SGCZ: variants seen among roughly 807,000 people sequenced by gnomAD.
SGCZ encodes zeta-sarcoglycan.
SGCZ carries 40 observed loss-of-function variants against 41.3 expected under a neutral mutation model. That is an observed-to-expected ratio of 0.97 (90% CI 0.75 to 1.26). The LOEUF (loss-of-function observed/expected upper bound fraction) is 1.26, where lower values mean the gene tolerates loss of function less well. Among genes scored for constraint, SGCZ ranks in the 50% most tolerant of loss-of-function variants. SGCZ has a pLI of 0.00. For missense variants in SGCZ, 552 were observed against 369.8 expected (o/e 1.49, Z -4.04); for synonymous variants, 206 against 137.5 (o/e 1.50, Z -3.49).
intron 3 of SGCZ, among the ~76,000 whole-genome samples, chr8:14,298,416 G>T (rs964616120): frequency 2.0e-5 from 3 of 151,782 alleles, no homozygotes; most frequent in African/African-American, 4.8e-5. Context: ...TTCATTTGTA[G>T]ACAAGATAAT....
chr8:15,050,555 G>A (rs116978275), intron 1 of SGCZ, among the ~76,000 whole-genome samples: 5,917 of 152,242 alleles, frequency 0.039, 147 homozygotes, highest in Non-Finnish European at 0.056. Flanking sequence ...ATGAGTATGC[G>A]CAGTTGAAGC....
At chr8:14,707,254 A>T (rs369268655) in intron 1 of SGCZ, among the ~76,000 whole-genome samples, 39 of 140,428 alleles carry the variant, frequency 2.8e-4, no homozygotes, top group African/African-American at 9.5e-4. Context: ...TCATTGTTCA[A>T]TTACCACCTA....
At chr8:14,736,073 C>G (rs544895634) in intron 1 of SGCZ, among the ~76,000 whole-genome samples, 1 of 152,132 alleles carries the variant, frequency 6.6e-6, no homozygotes, top group East Asian at 1.9e-4. Context: ...AAGCCCTCAT[C>G]TAATGTCTAC....
Position 15,237,579 on chromosome 8 carries a change from A to G in SGCZ, c.39+6T>C. ...GGCCGCGAAGCCCGCCCGGACCCGC[A>G]CGTACCTTGAGCTCCTCAATGTCCA... On this transcript the variant is annotated splice_donor_region_variant and intron_variant, in intron 1 of 7. Coordinates refer to ENST00000382080, the MANE Select transcript of SGCZ (RefSeq NM_139167.4). 6.3e-7 allele frequency: 1 copy of G among 1,588,522 alleles called. No individual in the cohort carries two copies. The highest frequency in any genetic ancestry group is 8.6e-7 in the Non-Finnish European group (1 of 1,165,594).
At chr8:15,146,445 C>A (rs1421158381) in intron 1 of SGCZ, among the ~76,000 whole-genome samples, 2 of 152,144 alleles carry the variant, frequency 1.3e-5, no homozygotes, top group Admixed American at 1.3e-4. Context: ...ATGATCATGG[C>A]ATACTACAGC....
chr8:15,206,291 T>C (rs1801060373), intron 1 of SGCZ, among the ~76,000 whole-genome samples: 1 of 152,084 alleles, frequency 6.6e-6, no homozygotes, highest in Admixed American at 6.5e-5. Flanking sequence ...TATTACAGGC[T>C]GAGTTGGTTG....
At chr8:14,556,047 C>A (rs992139501) in intron 1 of SGCZ, among the ~76,000 whole-genome samples, 3 of 151,810 alleles carry the variant, frequency 2.0e-5, no homozygotes, top group Non-Finnish European at 1.5e-5. Flanking sequence ...AGAATTAATT[C>A]TTTCAATAAG....
intron 1 of SGCZ, among the ~76,000 whole-genome samples, chr8:14,809,698 A>G (rs1162586603): frequency 1.3e-5 from 2 of 152,148 alleles, no homozygotes; most frequent in Non-Finnish European, 2.9e-5. Context: ...TAAATCTGAA[A>G]ATGGAAATGT....
chr8:15,114,538 T>G (rs1380671476), intron 1 of SGCZ, among the ~76,000 whole-genome samples: 1 of 152,200 alleles, frequency 6.6e-6, no homozygotes, highest in African/African-American at 2.4e-5. Context: ...ACTATTTGAT[T>G]AACAAAAATT....
chr8:14,250,557 G>A (rs1016953365), intron 3 of SGCZ, among the ~76,000 whole-genome samples: 4 of 152,044 alleles, frequency 2.6e-5, no homozygotes, highest in African/African-American at 9.7e-5. Context: ...TGAGGTCCTA[G>A]AGCGATATGG....
intron 5 of SGCZ, among the ~76,000 whole-genome samples, chr8:14,129,392 A>G (rs1241929844): frequency 2.0e-5 from 3 of 150,980 alleles, no homozygotes; most frequent in African/African-American, 7.3e-5. Flanking sequence ...TGTACTCATA[A>G]ATTTATAGAA....
At chr8:14,463,982 G>A (rs761913742) in intron 2 of SGCZ, among the ~76,000 whole-genome samples, 5 of 151,430 alleles carry the variant, frequency 3.3e-5, no homozygotes, top group Non-Finnish European at 7.4e-5. Context: ...ATTGGCCATG[G>A]TTTGTAACCT....
intron 2 of SGCZ, among the ~76,000 whole-genome samples, chr8:14,377,110 A>G (rs750662439): frequency 6.6e-6 from 1 of 152,212 alleles, no homozygotes; most frequent in African/African-American, 2.4e-5. Context: ...GGTTGCAAGA[A>G]GAACGAACAA....
chr8:14,257,040 C>A (rs182002731), intron 3 of SGCZ, among the ~76,000 whole-genome samples: 18 of 152,164 alleles, frequency 1.2e-4, no homozygotes, highest in Admixed American at 4.6e-4. Flanking sequence ...CTAGATTGAA[C>A]AGGTTTCTGG....
chr8:14,855,051 A>T lies in SGCZ; in HGVS notation c.40-300125T>A, dbSNP rs1022476962. 2.7e-5 allele frequency among the ~76,000 whole-genome samples: 4 copies of T among 150,848 alleles called. No homozygotes were observed. In the South Asian group the frequency reaches 8.4e-4, roughly 32 times the overall value. On this transcript the variant is annotated intron_variant, in intron 1 of 7. Transcript: ENST00000382080. ...ACTTCCTAGGCATCTCCATTATTTT[A>T]TTTATTTATTTATTTATTTAGAGAC...
chr8:14,787,387 T>C (rs1800802248), intron 1 of SGCZ, among the ~76,000 whole-genome samples: 1 of 151,988 alleles, frequency 6.6e-6, no homozygotes, highest in South Asian at 2.1e-4. Flanking sequence ...TTAATATACT[T>C]GGTAAAATAT....
At chr8:14,438,985 A>G (rs1480613400) in intron 2 of SGCZ, among the ~76,000 whole-genome samples, 1 of 152,134 alleles carries the variant, frequency 6.6e-6, no homozygotes, top group East Asian at 1.9e-4. Flanking sequence ...CTTTGAAGAC[A>G]TGAGATGATT....
intron 1 of SGCZ, among the ~76,000 whole-genome samples, chr8:14,594,336 G>T (rs946002472): frequency 6.6e-6 from 1 of 151,588 alleles, no homozygotes; most frequent in African/African-American, 2.4e-5. Flanking sequence ...ACTGGTCCAG[G>T]TACCTAACCT....
At chr8:14,953,141 A>T (rs1006277274) in intron 1 of SGCZ, among the ~76,000 whole-genome samples, 4 of 152,138 alleles carry the variant, frequency 2.6e-5, no homozygotes, top group Non-Finnish European at 4.4e-5. Context: ...GAAACTGGGT[A>T]ATCTGTGAAG....
Sources: allele counts gnomAD v4.1 joint callset (sites outside exome capture counted in the v4.1 genomes callset), GRCh38; gene constraint gnomAD v4.1.1; transcripts MANE v1.5; gene names NCBI Gene and HGNC (gene_info 2026-07-23, HGNC 2026-07-21).